PTPRD: variants seen among roughly 807,000 people sequenced by gnomAD.
The protein encoded by PTPRD is receptor-type tyrosine-protein phosphatase delta.
In PTPRD, 34 loss-of-function variants were observed where a neutral mutation model predicts 214.5. The observed-to-expected ratio is 0.16, with a 90% CI of 0.12 to 0.21. The LOEUF (loss-of-function observed/expected upper bound fraction) is 0.21. Among genes scored for constraint, PTPRD ranks in the 10% least tolerant of loss-of-function variants. The probability of loss-of-function intolerance (pLI) is 1.00; values close to 1 mark genes in which losing one functional copy is unlikely to be tolerated. For synonymous variants in PTPRD, 1,128 were observed against 845.7 expected (o/e 1.33, Z -5.79); for missense variants, 2,545 against 2,398.7 (o/e 1.06, Z -1.27).
intron 12 of PTPRD, among the ~76,000 whole-genome samples, chr9:8,641,421 T>G (rs1221353400): frequency 1.3e-5 from 2 of 148,578 alleles, no homozygotes; most frequent in Non-Finnish European, 2.9e-5. Flanking sequence ...ACCATTGCCA[T>G]CTACCTGAAG....
chr9:8,319,589 G>A (rs1333142525), intron 45 of PTPRD, among the ~76,000 whole-genome samples: 1 of 152,024 alleles, frequency 6.6e-6, no homozygotes, highest in Non-Finnish European at 1.5e-5. Flanking sequence ...AAATGGTCCA[G>A]TAGTAAAATT....
intron 35 of PTPRD, among the ~76,000 whole-genome samples, chr9:8,430,304 C>T (rs577496785): frequency 6.6e-6 from 1 of 151,934 alleles, no homozygotes; most frequent in South Asian, 2.1e-4. Flanking sequence ...GGGTCTCCCT[C>T]TGTCACCCAG....
At chr9:8,882,337 C>T (rs979808354) in intron 11 of PTPRD, among the ~76,000 whole-genome samples, 4 of 152,082 alleles carry the variant, frequency 2.6e-5, no homozygotes, top group African/African-American at 9.7e-5. Flanking sequence ...TCTTGTTTTA[C>T]AGATTGCAAA....
intron 4 of PTPRD, among the ~76,000 whole-genome samples, chr9:9,974,584 A>G (rs2095282090): frequency 6.6e-6 from 1 of 152,148 alleles, no homozygotes; most frequent in Admixed American, 6.5e-5. Flanking sequence ...AGACCTAATT[A>G]CCCCACTAAT....
At chr9:8,985,268 T>C (rs2099335167) in intron 11 of PTPRD, among the ~76,000 whole-genome samples, 2 of 152,108 alleles carry the variant, frequency 1.3e-5, no homozygotes, top group South Asian at 4.1e-4. Context: ...TGATAAATAC[T>C]ATTTTGTGGC....
chr9:8,932,654 C>G (rs189708843), intron 11 of PTPRD, among the ~76,000 whole-genome samples: 1 of 152,138 alleles, frequency 6.6e-6, no homozygotes, highest in Non-Finnish European at 1.5e-5. Flanking sequence ...AACTTCCCAG[C>G]GGCTTTGTTT....
At chr9:9,670,173 A>C (rs921576590) in intron 7 of PTPRD, among the ~76,000 whole-genome samples, 1 of 152,162 alleles carries the variant, frequency 6.6e-6, no homozygotes, top group Non-Finnish European at 1.5e-5. Context: ...ACACCATAAA[A>C]ATTGTGTTTA....
chr9:8,953,895 G>C (rs1457394995), intron 11 of PTPRD, among the ~76,000 whole-genome samples: 1 of 151,980 alleles, frequency 6.6e-6, no homozygotes, highest in Non-Finnish European at 1.5e-5. Context: ...ATACACTGGT[G>C]GGAATGTAAT....
At chr9:9,194,307 TAC>T (rs2131974108) in intron 9 of PTPRD, among the ~76,000 whole-genome samples, 1 of 152,244 alleles carries the variant, frequency 6.6e-6, no homozygotes, top group African/African-American at 2.4e-5. Flanking sequence ...GTGGAAAGAG[TAC>T]ACTCTAAAGT....
intron 7 of PTPRD, among the ~76,000 whole-genome samples, chr9:9,619,155 C>T (rs2095081997): frequency 6.6e-6 from 1 of 152,062 alleles, no homozygotes; most frequent in Non-Finnish European, 1.5e-5. Flanking sequence ...AGGAGGTATG[C>T]ACTTAGAGAA....
At chr9:8,980,651 T>G (rs970593502) in intron 11 of PTPRD, among the ~76,000 whole-genome samples, 3 of 152,228 alleles carry the variant, frequency 2.0e-5, no homozygotes, top group South Asian at 2.1e-4. Flanking sequence ...ATGGAATTTT[T>G]CCATTAGAGA....
chr9:9,308,464 G>A (rs1324698731), intron 9 of PTPRD, among the ~76,000 whole-genome samples: 2 of 152,144 alleles, frequency 1.3e-5, no homozygotes, highest in African/African-American at 4.8e-5. Context: ...ACTTATTGAA[G>A]CATCATTTCT....
intron 35 of PTPRD, among the ~76,000 whole-genome samples, chr9:8,420,019 A>T (rs2094243181): frequency 6.6e-6 from 1 of 152,140 alleles, no homozygotes; most frequent in South Asian, 2.1e-4. Context: ...TGTCAGAAAA[A>T]GAAGAAATCC....
intron 32 of PTPRD, among the ~76,000 whole-genome samples, chr9:8,461,460 G>A (rs945716586): frequency 5.9e-5 from 9 of 151,820 alleles, no homozygotes; most frequent in African/African-American, 2.2e-4. Flanking sequence ...GCCTATATTA[G>A]GAAAACATCT....
chr9:8,957,742 G>C (rs558840468), intron 11 of PTPRD, among the ~76,000 whole-genome samples: 6 of 151,982 alleles, frequency 3.9e-5, no homozygotes, highest in Admixed American at 2.6e-4. Flanking sequence ...GGAATATAAA[G>C]TGATTAAATG....
chr9:9,615,159 T>A (rs138934246), intron 7 of PTPRD, among the ~76,000 whole-genome samples: 1 of 152,262 alleles, frequency 6.6e-6, no homozygotes, highest in East Asian at 1.9e-4. Flanking sequence ...CACAGACACC[T>A]TGGACTCCCT....
intron 7 of PTPRD, among the ~76,000 whole-genome samples, chr9:9,705,593 T>C (rs1322218081): frequency 1.3e-5 from 2 of 152,124 alleles, no homozygotes; most frequent in Non-Finnish European, 2.9e-5. Context: ...ATAAAGATAG[T>C]AATAGTGTAT....
intron 8 of PTPRD, among the ~76,000 whole-genome samples, chr9:9,476,384 A>G (rs1040927007): frequency 2.7e-4 from 41 of 152,380 alleles, no homozygotes; most frequent in African/African-American, 8.9e-4. Context: ...GAAACAATAT[A>G]TAAGGAATAT....
At chr9:10,347,927 T>C (rs1037676669) in intron 2 of PTPRD, among the ~76,000 whole-genome samples, 1 of 151,810 alleles carries the variant, frequency 6.6e-6, no homozygotes, top group African/African-American at 2.4e-5. Flanking sequence ...GCGTGGTGCA[T>C]GTGCCTGGAG....
Sources: gnomAD v4.1 joint callset for allele counts (sites outside exome capture counted in the v4.1 genomes callset) on GRCh38, gnomAD v4.1.1 for gene constraint, MANE v1.5 for transcripts, NCBI Gene and HGNC (gene_info 2026-07-23, HGNC 2026-07-21) for gene names.